GABRA3: variants seen among roughly 807,000 people sequenced by gnomAD.
GABRA3 encodes the protein gamma-aminobutyric acid receptor subunit alpha-3.
Under a neutral mutation model 30.1 loss-of-function variants are expected in GABRA3, and 10 were observed. The ratio of observed to expected loss-of-function variants is 0.33; its 90% CI spans 0.20 to 0.56. The LOEUF (loss-of-function observed/expected upper bound fraction) is 0.56, where lower values mean the gene tolerates loss of function less well. Among genes scored for constraint, GABRA3 ranks in the 20% least tolerant of loss-of-function variants. The probability of loss-of-function intolerance (pLI) is 0.89; values close to 1 mark genes in which losing one functional copy is unlikely to be tolerated. For missense variants in GABRA3, 233 were observed against 392.0 expected (o/e 0.59, Z 3.42); for synonymous variants, 151 against 146.8 (o/e 1.03, Z -0.21).
chrX:152,320,198 T>G (rs1374260916), intron 3 of GABRA3, among the ~76,000 whole-genome samples: 2 of 111,791 alleles, frequency 1.8e-5, no homozygotes, highest in Non-Finnish European at 3.8e-5. Context: ...AACTACCATT[T>G]TATCCAGCAA....
intron 2 of GABRA3, among the ~76,000 whole-genome samples, chrX:152,348,406 T>G (rs1056124617): frequency 1.8e-5 from 2 of 111,754 alleles, no homozygotes; most frequent in Non-Finnish European, 3.8e-5. Flanking sequence ...GCACCTCATA[T>G]TTGCCACTAC....
intron 9 of GABRA3, among the ~76,000 whole-genome samples, chrX:152,186,108 T>C (rs1181600207): frequency 8.9e-6 from 1 of 111,944 alleles, no homozygotes; most frequent in Non-Finnish European, 1.9e-5. Context: ...AATAACAACA[T>C]TTGAAAAAGC....
rs754457501 is a variant in GABRA3, at chrX:152,432,523, C to T, written c.-27+18623G>A. Among the ~76,000 whole-genome samples, 6 of 111,041 alleles carry T rather than the reference C, an allele frequency of 5.4e-5. No individual in the cohort carries two copies. In the Admixed American group the frequency reaches 5.7e-4, roughly 11 times the overall value. On this transcript the variant is annotated intron_variant, in intron 1 of 9. Transcript: ENST00000370314. ...TACGTTCAAAAACTGAAGAAATTGA[C>T]AATTCCCTAGGAAAACAAATAGCAA...
At chrX:152,362,417 G>GA (rs1928534711) in intron 2 of GABRA3, among the ~76,000 whole-genome samples, 1 of 111,501 alleles carries the variant, frequency 9.0e-6, no homozygotes, top group Non-Finnish European at 1.9e-5. Flanking sequence ...TTTGGTGGCA[G>GA]AAAGACTAAG....
chrX:152,316,112 AT>A (rs1939874575), intron 3 of GABRA3, among the ~76,000 whole-genome samples: 2 of 108,347 alleles, frequency 1.8e-5, no homozygotes, highest in African/African-American at 6.8e-5. Flanking sequence ...CACAGAATCC[AT>A]TTCACTCCGC....
At chrX:152,171,347 G>C in intron 9 of GABRA3, 1 of 536,038 alleles carries the variant, frequency 1.9e-6, no homozygotes, top group Non-Finnish European at 2.3e-6. Flanking sequence ...TTTTTAAGTA[G>C]TAAGGGAAAA....
chrX:152,181,068 C>T (rs916699156), intron 9 of GABRA3, among the ~76,000 whole-genome samples: 1 of 72,138 alleles, frequency 1.4e-5, no homozygotes, highest in Non-Finnish European at 2.6e-5. Context: ...TTTTCTATTT[C>T]TATTAAAAAT....
rs747380567 is a variant in GABRA3, at chrX:152,337,479, CTTGT to C, written c.262+8098_262+8101del. Among the ~76,000 whole-genome samples, 3 of 111,297 alleles carry C rather than the reference CTTGT, an allele frequency of 2.7e-5. No homozygotes were observed. In the East Asian group the frequency reaches 8.5e-4, roughly 32 times the overall value. Reference sequence around the variant, plus strand: ...GTGATATTTGTCTTTCTGTGCTTGGCTTGTTTAACTTAACAAAGACCTCCAGTTC... The same window carrying C: ...GTGATATTTGTCTTTCTGTGCTTGGCTTAACTTAACAAAGACCTCCAGTTC... On this transcript the variant is annotated intron_variant, in intron 3 of 9. Transcript: ENST00000370314.
At chrX:152,175,678 C>T (rs1156293605) in intron 9 of GABRA3, among the ~76,000 whole-genome samples, 1 of 111,667 alleles carries the variant, frequency 9.0e-6, no homozygotes, top group Non-Finnish European at 1.9e-5. Context: ...AATAAGAAAG[C>T]AAGCTGTGAA....
intron 3 of GABRA3, among the ~76,000 whole-genome samples, chrX:152,299,462 T>C (rs980374618): frequency 1.8e-5 from 2 of 111,160 alleles, no homozygotes; most frequent in African/African-American, 3.3e-5. Flanking sequence ...TACAATGGCA[T>C]ACAAAGACAT....
intron 2 of GABRA3, among the ~76,000 whole-genome samples, chrX:152,361,345 C>T (rs183954219): frequency 2.3e-3 from 246 of 109,017 alleles, no homozygotes; most frequent in African/African-American, 6.8e-3. Context: ...GAGGCTGAGG[C>T]GGGCGGATCA....
chrX:152,315,388 C>G (rs139340154), intron 3 of GABRA3, among the ~76,000 whole-genome samples: 1,998 of 111,127 alleles, frequency 0.018, 29 homozygotes, highest in Non-Finnish European at 0.027. Flanking sequence ...TCTGACTTGT[C>G]TCACAGAGGT....
intron 1 of GABRA3, among the ~76,000 whole-genome samples, chrX:152,365,314 G>T (rs756829648): frequency 9.0e-6 from 1 of 111,575 alleles, no homozygotes; most frequent in East Asian, 2.8e-4. Context: ...AAGCAAACTT[G>T]TTCCTTTAGA....
intron 5 of GABRA3, among the ~76,000 whole-genome samples, chrX:152,246,692 C>T (rs1938466033): frequency 9.0e-6 from 1 of 111,322 alleles, no homozygotes; most frequent in South Asian, 3.8e-4. Flanking sequence ...TTCCTTCTCA[C>T]CTCATTGTAA....
At chrX:152,367,324 T>C (rs1196019661) in intron 1 of GABRA3, among the ~76,000 whole-genome samples, 1 of 111,598 alleles carries the variant, frequency 9.0e-6, no homozygotes, top group Non-Finnish European at 1.9e-5. Flanking sequence ...AGGAGACAAC[T>C]CTTGTGCAAA....
At chrX:152,310,770 A>G (rs1344385225) in intron 3 of GABRA3, among the ~76,000 whole-genome samples, 1 of 111,392 alleles carries the variant, frequency 9.0e-6, no homozygotes, top group Non-Finnish European at 1.9e-5. Flanking sequence ...CATGAAACTA[A>G]AAGGCTTTCT....
At chrX:152,318,011 T>C (rs1939904271) in intron 3 of GABRA3, among the ~76,000 whole-genome samples, 1 of 110,916 alleles carries the variant, frequency 9.0e-6, no homozygotes, top group African/African-American at 3.3e-5. Context: ...AATAAAAAGA[T>C]AAATGAAACA....
chrX:152,434,328 A>T (rs1389211819), intron 1 of GABRA3, among the ~76,000 whole-genome samples: 1 of 111,154 alleles, frequency 9.0e-6, no homozygotes. Flanking sequence ...CTGCCCTCAA[A>T]CATAGGACTC....
At chrX:152,206,415 G>C (rs1461436437) in intron 7 of GABRA3, among the ~76,000 whole-genome samples, 3 of 111,992 alleles carry the variant, frequency 2.7e-5, no homozygotes, top group Non-Finnish European at 5.7e-5. Flanking sequence ...AGACGTGAGG[G>C]GACAGGAGGG....
Sources: allele counts gnomAD v4.1 joint callset (sites outside exome capture counted in the v4.1 genomes callset), GRCh38; gene constraint gnomAD v4.1.1; transcripts MANE v1.5; gene names NCBI Gene and HGNC (gene_info 2026-07-23, HGNC 2026-07-21).